Variants in HEPHL1 observed in about 807,000 individuals in gnomAD.
HEPHL1 encodes the protein hephaestin like 1, also known as ferroxidase HEPHL1.
HEPHL1 carries 123 observed loss-of-function variants against 122.0 expected under a neutral mutation model. That is an observed-to-expected ratio of 1.01 (90% CI 0.87 to 1.17). The LOEUF (loss-of-function observed/expected upper bound fraction) is 1.17. HEPHL1 is among the 50% of genes most tolerant of loss of function. HEPHL1 has a pLI of 0.00. For missense variants in HEPHL1, 1,452 were observed against 1,430.5 expected (o/e 1.01, Z -0.24); for synonymous variants, 527 against 508.9 (o/e 1.04, Z -0.48).
Position 94,111,824 on chromosome 11 carries a change from T to C in HEPHL1, c.3410T>C (p.Leu1137Pro), listed in dbSNP as rs951026814. ...ACCACGGTGATTCTCTCCCTCAGAC[T>C]CTGCTCTGCAATGAAGCAGACAGAT... is the stretch of plus-strand genomic sequence containing the variant. ...LITTVILSLRLCSAMKQTDYQ... is the reference protein window; with the variant it reads ...LITTVILSLRPCSAMKQTDYQ... The change falls in exon 20 of 20, where the codon CTC becomes CCC. Residue 1137 changes from leucine (L) to proline (P), a missense_variant. By Grantham distance (98) the Leu-to-Pro change is moderately conservative. Coordinates refer to ENST00000315765, the MANE Select transcript of HEPHL1 (RefSeq NM_001098672.2). 6.4e-7 allele frequency: 1 copy of C among 1,552,482 alleles called. No homozygotes were observed. Among genetic ancestry groups the C allele is most frequent in the Non-Finnish European group, 8.7e-7 (1 of 1,152,178 alleles).
At chr11:94,076,118 G>T (rs1360032565) in intron 9 of HEPHL1, among the ~76,000 whole-genome samples, 1 of 152,038 alleles carries the variant, frequency 6.6e-6, no homozygotes, top group Non-Finnish European at 1.5e-5. Context: ...GGACTCAAAG[G>T]AATTTCCAGA....
At chr11:94,073,470 C>T (rs1260664145) in intron 8 of HEPHL1, 31 bp downstream of exon 8, 3 of 1,549,526 alleles carry the variant, frequency 1.9e-6, no homozygotes, top group Admixed American at 2.0e-5. Flanking sequence ...AGGGAGGAAA[C>T]AGGACGGGTG....
In HEPHL1 at chr11:94,093,971, G is replaced by GATATATATATAT. The variant is rs201036709; in HGVS notation, c.2434+363_2434+374dup. ...AAATTTTCTTTTAAATCCTCCAGCA[G>GATATATATATAT]ATATATATATATATATATATATATA... On this transcript the variant is annotated intron_variant, in intron 13 of 19. Coordinates refer to ENST00000315765, the MANE Select transcript of HEPHL1 (RefSeq NM_001098672.2). Among the ~76,000 whole-genome samples the GATATATATATAT allele has an allele frequency of 3.3e-3, 239 of 72,608 alleles. 3 individuals are homozygous for GATATATATATAT. The highest frequency in any genetic ancestry group is 9.8e-3 in the Middle Eastern group (1 of 102). The allele number at this position is 72,608 out of a possible 152,430, so 47.6% of individuals were successfully genotyped here.
At chr11:94,056,887 T>C (rs377009332) in intron 2 of HEPHL1, among the ~76,000 whole-genome samples, 1 of 152,200 alleles carries the variant, frequency 6.6e-6, no homozygotes, top group Admixed American at 6.5e-5. Flanking sequence ...AGTTACTCTT[T>C]GGTGTCATTT....
chr11:94,082,755 T>C (rs1418141813), intron 10 of HEPHL1, among the ~76,000 whole-genome samples, 187 bp downstream of exon 10: 2 of 152,196 alleles, frequency 1.3e-5, no homozygotes, highest in African/African-American at 2.4e-5. Context: ...AGATGTGAAA[T>C]TTAATACTTC....
rs1712768902 is a variant in HEPHL1 at position 94,093,988 on chromosome 11, AT to A, written c.2434+349del. On this transcript the variant is annotated intron_variant, in intron 13 of 19. Coordinates refer to ENST00000315765, the MANE Select transcript of HEPHL1 (RefSeq NM_001098672.2). ...CTCCAGCAGATATATATATATATAT[AT>A]ATATATATATATATATATATATATA... 3.6e-5 allele frequency among the ~76,000 whole-genome samples: 3 copies of A among 83,802 alleles called. 1 individual carries two copies. The highest frequency in any genetic ancestry group is 2.4e-4 in the Admixed American group (2 of 8,288). The allele number at this position is 83,802 out of a possible 152,430, so 55.0% of individuals were successfully genotyped here.
At chr11:94,085,941 C>T (rs1410182693) in intron 10 of HEPHL1, 36 bp from the exon 11 acceptor site, 2 of 1,499,414 alleles carry the variant, frequency 1.3e-6, no homozygotes, top group Non-Finnish European at 1.9e-6. Context: ...CCCATACACA[C>T]TGATAATTTT....
chr11:94,036,185 A>G (rs183076575), intron 1 of HEPHL1, among the ~76,000 whole-genome samples: 1 of 152,314 alleles, frequency 6.6e-6, no homozygotes, highest in Admixed American at 6.5e-5. Flanking sequence ...CTGGTCCAGG[A>G]AATATGTCCA....
chr11:94,063,387 T>C (rs1201372857), intron 2 of HEPHL1, 121 bp from the exon 3 acceptor site: 2 of 778,748 alleles, frequency 2.6e-6, no homozygotes, highest in Non-Finnish European at 4.1e-6. Context: ...TCAAGTCCCA[T>C]AGCAAATAAA....
chr11:94,031,572 ATTTTT>A (rs1945676009), intron 1 of HEPHL1, among the ~76,000 whole-genome samples: 1 of 152,032 alleles, frequency 6.6e-6, no homozygotes. Flanking sequence ...TCATTCTCTA[ATTTTT>A]TAAACAGGAT....
chr11:94,099,953 T>G (rs1412442515), intron 13 of HEPHL1, among the ~76,000 whole-genome samples: 3 of 152,160 alleles, frequency 2.0e-5, no homozygotes. Context: ...TGACCCCTTG[T>G]GCTTCCCAGG....
In HEPHL1 at chr11:94,064,441, C is replaced by A; in HGVS notation, c.739C>A (p.His247Asn). Residue 247 changes from histidine to asparagine, a missense_variant, in exon 4 of 20, where the codon CAT (histidine) becomes AAT (asparagine). His to Asn is a moderately conservative substitution (Grantham distance 68, BLOSUM62 1). Transcript: ENST00000315765. ...CTGGTACCTCAATGAAAATATCAAA[C>A]ATTTCTGCACCAACCCTGATTCAGT... The part of the protein sequence containing the change: ...QSWYLNENIK[H>N]FCTNPDSVDK... 2 of 1,613,106 alleles carry A rather than the reference C, an allele frequency of 1.2e-6. No individual in the cohort carries two copies. The highest frequency in any genetic ancestry group is 1.7e-6 in the Non-Finnish European group (2 of 1,179,206).
chr11:94,070,535 T>G lies in HEPHL1; in HGVS notation c.1225T>G (p.Ser409Ala). 2 of 1,609,344 alleles carry G rather than the reference T, an allele frequency of 1.2e-6. No individual in the cohort carries two copies. The highest frequency in any genetic ancestry group is 2.2e-5 in the South Asian group (2 of 90,208). ...NKFSGLPLNA[S>A]GSDSDLYFTQ... is the part of the protein sequence containing the mutation. ...ATTCAGTGGTCTTCCTCTAAACGCC[T>G]CTGGCAGGTAAGCACCCTTTGTTGG... Residue 409 changes from serine to alanine, a missense_variant, in exon 6 of 20, where the codon TCT (serine) becomes GCT (alanine). By Grantham distance (99) the Ser-to-Ala change is moderately conservative (BLOSUM62 1). Coordinates refer to ENST00000315765, the MANE Select transcript of HEPHL1 (RefSeq NM_001098672.2).
intron 1 of HEPHL1, among the ~76,000 whole-genome samples, chr11:94,026,207 A>AAG (rs1044472046): frequency 6.6e-6 from 1 of 152,180 alleles, no homozygotes; most frequent in South Asian, 2.1e-4. Flanking sequence ...TCCAGGAAGA[A>AAG]AGAGAGAAAG....
At chr11:94,106,289 TTTTC>T (rs1304093291) in intron 17 of HEPHL1, among the ~76,000 whole-genome samples, 159 bp downstream of exon 17, 8 of 124,024 alleles carry the variant, frequency 6.5e-5, no homozygotes, top group Admixed American at 2.1e-4. Flanking sequence ...TGGATATTTC[TTTTC>T]TTTTTTTTTT....
Position 94,106,600 on chromosome 11 carries a change from A to G in HEPHL1, c.3045+470A>G, listed in dbSNP as rs549045168. On this transcript the variant is annotated intron_variant, in intron 17 of 19. Coordinates refer to ENST00000315765, the MANE Select transcript of HEPHL1 (RefSeq NM_001098672.2). ...GTGAGCCACCACGCCAGGCCTGGCTATTTCTTAATATGTATATGTATATTA... is the reference window on the plus strand; with the variant it reads ...GTGAGCCACCACGCCAGGCCTGGCTGTTTCTTAATATGTATATGTATATTA... 2.0e-5 allele frequency among the ~76,000 whole-genome samples: 3 copies of G among 152,040 alleles called. No individual in the cohort carries two copies. In the South Asian group the frequency reaches 6.3e-4, roughly 32 times the overall value.
chr11:94,093,465 C>T, intron 12 of HEPHL1, 36 bp from the exon 13 acceptor site: 1 of 1,611,702 alleles, frequency 6.2e-7, no homozygotes, highest in African/African-American at 1.3e-5. Flanking sequence ...TTTCTGCTTT[C>T]TGACAACTTT....
chr11:94,037,528 G>A (rs921381570), intron 1 of HEPHL1, among the ~76,000 whole-genome samples: 14 of 152,074 alleles, frequency 9.2e-5, no homozygotes, highest in Admixed American at 2.6e-4. Context: ...ATCTGAGAAC[G>A]GGCAGACTGC....
At chr11:94,078,089 T>C (rs1946140463) in intron 9 of HEPHL1, among the ~76,000 whole-genome samples, 1 of 152,156 alleles carries the variant, frequency 6.6e-6, no homozygotes, top group Non-Finnish European at 1.5e-5. Flanking sequence ...TATCTTCCTT[T>C]CCCAGAACAA....
Sources: allele counts gnomAD v4.1 joint callset (sites outside exome capture counted in the v4.1 genomes callset), GRCh38; gene constraint gnomAD v4.1.1; transcripts MANE v1.5; gene names NCBI Gene and HGNC (gene_info 2026-07-23, HGNC 2026-07-21).